The following CALN1 variants were observed in gnomAD, a reference collection of about 807,000 sequenced individuals.
CALN1 encodes the protein calcium-binding protein 8.
A neutral mutation model predicts 30.6 loss-of-function variants in CALN1; 17 were observed. The observed-to-expected ratio is 0.56, with a 90% confidence interval of 0.38 to 0.83. CALN1 has a LOEUF of 0.83. Ranked by LOEUF, CALN1 falls within the 40% of genes least tolerant of loss-of-function variation. The pLI is 0.00. For missense variants in CALN1, 291 were observed against 354.9 expected (o/e 0.82, Z 1.45); for synonymous variants, 156 against 131.4 (o/e 1.19, Z -1.28).
At chr7:71,806,634 A>T (rs1787638687) in intron 6 of CALN1, among the ~76,000 whole-genome samples, 1 of 152,166 alleles carries the variant, frequency 6.6e-6, no homozygotes, top group Non-Finnish European at 1.5e-5. Flanking sequence ...AACAATTTGA[A>T]CAGTATAAAA....
chr7:72,157,213 A>T (rs1787758775), intron 3 of CALN1, among the ~76,000 whole-genome samples: 1 of 152,212 alleles, frequency 6.6e-6, no homozygotes, highest in Admixed American at 6.5e-5. Flanking sequence ...TATTTGTTGA[A>T]TGCGTTGCAT....
intron 2 of CALN1, among the ~76,000 whole-genome samples, chr7:72,402,181 T>C (rs1171902847): frequency 6.6e-6 from 1 of 152,346 alleles, no homozygotes; most frequent in Admixed American, 6.5e-5. Context: ...TAGGTAAGCG[T>C]TCTCTTGGCC....
intron 3 of CALN1, among the ~76,000 whole-genome samples, chr7:72,223,393 G>A (rs891436504): frequency 2.0e-5 from 3 of 151,926 alleles, no homozygotes; most frequent in Admixed American, 6.6e-5. Flanking sequence ...TGAGGAAATC[G>A]TGCTCCTTCA....
chr7:72,350,642 AG>A (rs541257723), intron 2 of CALN1, among the ~76,000 whole-genome samples: 2 of 152,330 alleles, frequency 1.3e-5, no homozygotes, highest in South Asian at 4.1e-4. Context: ...GTGGAGCAGG[AG>A]GAAGTTGAGG....
At chr7:72,015,386 A>C (rs1800317615) in intron 5 of CALN1, among the ~76,000 whole-genome samples, 1 of 151,826 alleles carries the variant, frequency 6.6e-6, no homozygotes, top group African/African-American at 2.4e-5. Flanking sequence ...TCAGTATTGA[A>C]TATTCAATTT....
intron 4 of CALN1, among the ~76,000 whole-genome samples, chr7:72,060,152 G>A (rs1359019190): frequency 6.6e-6 from 1 of 152,028 alleles, no homozygotes; most frequent in Non-Finnish European, 1.5e-5. Context: ...AGAGAGAGTG[G>A]GGGAAATACT....
chr7:71,882,890 GTGTT>G (rs1207753654), intron 5 of CALN1, among the ~76,000 whole-genome samples: 6 of 148,846 alleles, frequency 4.0e-5, no homozygotes, highest in African/African-American at 1.3e-4. Flanking sequence ...GTGTGTGTGT[GTGTT>G]TGTAAAGACA....
chr7:71,844,701 C>A (rs977598883), intron 5 of CALN1, among the ~76,000 whole-genome samples: 1 of 152,034 alleles, frequency 6.6e-6, no homozygotes, highest in Non-Finnish European at 1.5e-5. Context: ...GGAAGAAATC[C>A]TGGCTAAACT....
intron 2 of CALN1, among the ~76,000 whole-genome samples, chr7:72,298,879 C>T (rs6949384): frequency 0.99 from 150,306 of 151,894 alleles, 74,386 homozygotes; most frequent in Middle Eastern, 1. Flanking sequence ...CCATCCACGT[C>T]AAGTCGTGAC....
the CALN1 span, among the ~76,000 whole-genome samples, chr7:72,469,788 A>G: frequency 2.6e-5 from 4 of 152,176 alleles, no homozygotes; most frequent in African/African-American, 7.2e-5. Context: ...ATAGCTTTCT[A>G]GTAAATTGTG....
intron 4 of CALN1, among the ~76,000 whole-genome samples, chr7:72,031,990 G>T (rs551252123): frequency 1.4e-5 from 2 of 146,572 alleles, no homozygotes; most frequent in Non-Finnish European, 3.0e-5. Flanking sequence ...TGATCCGTCC[G>T]CCCTCCTCCA....
chr7:72,018,133 AC>A (rs1482661973), intron 5 of CALN1, among the ~76,000 whole-genome samples: 5 of 152,150 alleles, frequency 3.3e-5, no homozygotes, highest in Non-Finnish European at 5.9e-5. Flanking sequence ...TCATGAAAAC[AC>A]CATGATAAAA....
chr7:72,236,743 A>G (rs1306274713), intron 3 of CALN1, among the ~76,000 whole-genome samples: 1 of 152,218 alleles, frequency 6.6e-6, no homozygotes, highest in Non-Finnish European at 1.5e-5. Context: ...TAAATGTGTC[A>G]TTGATTTTCA....
At chr7:71,891,116 A>G (rs1793216217) in intron 5 of CALN1, among the ~76,000 whole-genome samples, 1 of 152,168 alleles carries the variant, frequency 6.6e-6, no homozygotes, top group Admixed American at 6.5e-5. Context: ...ATCTAATTGT[A>G]AACACAATTT....
At chr7:72,376,569 T>A (rs1301647537) in intron 2 of CALN1, among the ~76,000 whole-genome samples, 1 of 152,218 alleles carries the variant, frequency 6.6e-6, no homozygotes, top group Non-Finnish European at 1.5e-5. Context: ...GTTTGTCTTT[T>A]TGTTGAATTG....
intron 2 of CALN1, among the ~76,000 whole-genome samples, chr7:72,297,564 A>T (rs900039538): frequency 1.3e-5 from 2 of 152,246 alleles, no homozygotes; most frequent in Admixed American, 1.3e-4. Context: ...CGAAAACAAG[A>T]TGATTTAATA....
At chr7:72,499,887 T>C in the CALN1 span, among the ~76,000 whole-genome samples, 146 of 66,522 alleles carry the variant, frequency 2.2e-3, 19 homozygotes, top group African/African-American at 0.013. Context: ...CTTTCTTTCT[T>C]TCTTTCTTTC....
chr7:71,913,477 T>C (rs1270071547), intron 5 of CALN1, among the ~76,000 whole-genome samples: 1 of 152,216 alleles, frequency 6.6e-6, no homozygotes, highest in East Asian at 1.9e-4. Flanking sequence ...GGGCCAGGCT[T>C]CTCTCTATGT....
chr7:72,038,787 T>C (rs1801955209), intron 4 of CALN1, among the ~76,000 whole-genome samples: 2 of 152,094 alleles, frequency 1.3e-5, no homozygotes, highest in Non-Finnish European at 2.9e-5. Flanking sequence ...AGTTTACAAA[T>C]GTCATGGCAA....
Sources: allele counts gnomAD v4.1 joint callset (sites outside exome capture counted in the v4.1 genomes callset), GRCh38; gene constraint gnomAD v4.1.1; transcripts MANE v1.5; gene names NCBI Gene and HGNC (gene_info 2026-07-23, HGNC 2026-07-21).